Variants in KLF11 observed in about 807,000 individuals in gnomAD.
KLF11 encodes KLF transcription factor 11, also known as Krueppel-like factor 11.
In KLF11, 26 loss-of-function variants were observed where a neutral mutation model predicts 29.9. The observed-to-expected ratio is 0.87, with a 90% CI of 0.64 to 1.21. KLF11 has a LOEUF of 1.21. Ranked by LOEUF, KLF11 falls within the 50% of genes most tolerant of loss-of-function variation. KLF11 has a pLI of 0.00. For synonymous variants in KLF11, 318 were observed against 257.4 expected (o/e 1.24, Z -2.25); for missense variants, 778 against 665.7 (o/e 1.17, Z -1.86).
In KLF11 at chr2:10,053,536, T is replaced by G; in HGVS notation, c.*1029T>G. 1 of 398,150 alleles carries G rather than the reference T, an allele frequency of 2.5e-6. No individual in the cohort carries two copies. The highest frequency in any genetic ancestry group is 4.4e-6 in the Non-Finnish European group (1 of 225,950). The allele number at this position is 398,150 out of a possible 1,614,324, so 24.7% of individuals were successfully genotyped here. A position where few individuals can be genotyped will look rare whatever the true frequency, so the allele number is the denominator to read the frequency against. ...CACAGCTTAGCTGGGGCGAGATGCA[T>G]GTGAAGGCAGGCAGTGCCAAGATTC... On this transcript the variant is annotated 3_prime_UTR_variant, in exon 4 of 4. Transcript: ENST00000305883.
chr2:10,044,056 C>G (rs1221357928), intron 1 of KLF11: 32 of 698,622 alleles, frequency 4.6e-5, no homozygotes, highest in Non-Finnish European at 5.5e-5. Context: ...GACGTCACCC[C>G]GGTCCTGTGA....
In KLF11 at chr2:10,047,765, C is replaced by T. The variant is rs1414685071; in HGVS notation, c.428C>T (p.Ala143Val). ...GCCACGGATGTTCTCCAGTCCTCTG[C>T]CGTAGTGGCCAGAGCTCTGAGCGGG... ...CTATDVLQSSAVVARALSGGA... is the reference protein window; with the variant it reads ...CTATDVLQSSVVVARALSGGA... Residue 143 changes from alanine (A) to valine (V), a missense_variant, in exon 3 of 4, where the codon GCC (alanine) becomes GTC (valine). By Grantham distance (64) the Ala-to-Val change is moderately conservative (BLOSUM62 0). Transcript: ENST00000305883. 1.2e-6 allele frequency: 2 copies of T among 1,613,722 alleles called. No homozygotes were observed. Among genetic ancestry groups the T allele is most frequent in the Admixed American group, 1.7e-5 (1 of 60,028 alleles).
chr2:10,046,786 C>T (rs980220630), intron 2 of KLF11, among the ~76,000 whole-genome samples: 5 of 152,006 alleles, frequency 3.3e-5, no homozygotes, highest in South Asian at 2.1e-4. Context: ...ACCCGGGAGG[C>T]GGAGGTTGCA....
Position 10,053,366 on chromosome 2 carries a change from A to G in KLF11, c.*859A>G. ...TTCTTGTTTGTACCTAAAACACCAAAAAAGAAACACTCAAATCCAGCTGCT... is the reference window on the plus strand; with the variant it reads ...TTCTTGTTTGTACCTAAAACACCAAGAAAGAAACACTCAAATCCAGCTGCT... On this transcript the variant is annotated 3_prime_UTR_variant, in exon 4 of 4. Transcript: ENST00000305883. 2.5e-6 allele frequency: 1 copy of G among 398,692 alleles called. No individual in the cohort carries two copies. Among genetic ancestry groups the G allele is most frequent in the Non-Finnish European group, 4.4e-6 (1 of 226,102 alleles). 24.7% of individuals were successfully genotyped at this position (398,692 alleles called of 1,614,324 possible).
At chr2:10,051,224 T>TC (rs1490705121) in intron 3 of KLF11, among the ~76,000 whole-genome samples, 2 of 146,994 alleles carry the variant, frequency 1.4e-5, no homozygotes, top group Admixed American at 1.4e-4. Flanking sequence ...ACTTTTTTTT[T>TC]CTTTTTTGGA....
At chr2:10,048,876 C>A (rs566593142) in intron 3 of KLF11, among the ~76,000 whole-genome samples, 2 of 150,482 alleles carry the variant, frequency 1.3e-5, no homozygotes, top group Non-Finnish European at 2.9e-5. Flanking sequence ...TACAGTGCCC[C>A]CTTCTGTTCA....
chr2:10,049,363 T>C (rs1661335749), intron 3 of KLF11, among the ~76,000 whole-genome samples: 1 of 152,258 alleles, frequency 6.6e-6, no homozygotes, highest in Non-Finnish European at 1.5e-5. Flanking sequence ...ATCGCTTCAG[T>C]AGGTGAGGGC....
At chr2:10,044,021 TG>T (rs1297795634) in intron 1 of KLF11, 3 of 710,090 alleles carry the variant, frequency 4.2e-6, no homozygotes, top group African/African-American at 1.9e-5. Flanking sequence ...CCCGCCCCGC[TG>T]GCCCCGCGGC....
chr2:10,052,493 C>T lies in KLF11; in HGVS notation c.1525C>T (p.Pro509Ser), dbSNP rs865902355. 2 of 1,613,826 alleles carry T rather than the reference C, an allele frequency of 1.2e-6. No homozygotes were observed. Among genetic ancestry groups the T allele is most frequent in the Non-Finnish European group, 1.7e-6 (2 of 1,179,962 alleles). The change falls in exon 4 of 4, where the codon CCA (proline) becomes TCA (serine). Residue 509 changes from proline to serine, a missense_variant. Pro to Ser is a moderately conservative substitution (Grantham distance 74, BLOSUM62 -1). Transcript: ENST00000305883. ...ESPGSPLVSM[P>S]ASA is the part of the protein sequence containing the mutation. ...CCCGGGGAGCCCACTGGTGAGCATG[C>T]CAGCCTCTGCCTGAAAGGTCCATTA...
chr2:10,050,529 G>A (rs1188352609), intron 3 of KLF11, among the ~76,000 whole-genome samples: 1 of 151,892 alleles, frequency 6.6e-6, no homozygotes, highest in Non-Finnish European at 1.5e-5. Context: ...GGCCAACATG[G>A]TGAAACCCCG....
chr2:10,046,561 GA>G (rs1558346775), intron 2 of KLF11, 142 bp downstream of exon 2: 1 of 962,422 alleles, frequency 1.0e-6, no homozygotes, highest in African/African-American at 1.6e-5. Context: ...TGAAGGAGTA[GA>G]AACTCTTCCT....
Position 10,053,386 on chromosome 2 carries a change from G to T in KLF11, c.*879G>T. The T allele has an allele frequency of 2.5e-6, 1 of 398,612 alleles. No homozygotes were observed. The highest frequency in any genetic ancestry group is 2.1e-5 in the African/African-American group (1 of 48,742). 24.7% of individuals were successfully genotyped at this position (398,612 alleles called of 1,614,324 possible). A position where few individuals can be genotyped will look rare whatever the true frequency, so the allele number is the denominator to read the frequency against. ...ACCAAAAAAGAAACACTCAAATCCAGCTGCTTTGTCAATTGTCAGTTCTGA... is the reference window on the plus strand; with the variant it reads ...ACCAAAAAAGAAACACTCAAATCCATCTGCTTTGTCAATTGTCAGTTCTGA... On this transcript the variant is annotated 3_prime_UTR_variant, in exon 4 of 4. Coordinates refer to ENST00000305883, the MANE Select transcript of KLF11 (RefSeq NM_003597.5).
chr2:10,046,955 T>C (rs907405229), intron 2 of KLF11, among the ~76,000 whole-genome samples: 8 of 152,256 alleles, frequency 5.3e-5, no homozygotes, highest in South Asian at 4.1e-4. Flanking sequence ...ACGTGGTTAA[T>C]GTCCGTGGGA....
chr2:10,047,542 T>A, intron 2 of KLF11, 108 bp from the exon 3 acceptor site: 1 of 973,648 alleles, frequency 1.0e-6, no homozygotes, highest in Non-Finnish European at 1.6e-6. Context: ...AAAACAGGGT[T>A]AACTGAGTGT....
chr2:10,046,066 C>T (rs1469684254), intron 1 of KLF11, 84 bp from the exon 2 acceptor site: 7 of 1,506,584 alleles, frequency 4.6e-6, no homozygotes, highest in Middle Eastern at 2.3e-4. Flanking sequence ...CTGTAGGCTT[C>T]TGATATGCAT....
rs774085119 is a variant in KLF11 at position 10,048,308 on chromosome 2, C to T, written c.971C>T (p.Ala324Val). 8.1e-6 allele frequency: 13 copies of T among 1,598,928 alleles called. No individual in the cohort carries two copies. Among genetic ancestry groups the T allele is most frequent in the African/African-American group, 4.0e-5 (3 of 74,614 alleles). ...CCCATCCTAGCTCAGGCTGCTCCAG[C>T]GCCTCAACCTGTGTTCGTGGGACCT... ...VRPILAQAAPAPQPVFVGPAV... is the reference protein window; with the variant it reads ...VRPILAQAAPVPQPVFVGPAV... The change falls in exon 3 of 4, where the codon GCG becomes GTG. Residue 324 changes from alanine (A) to valine (V), a missense_variant. Transcript: ENST00000305883.
chr2:10,049,712 A>C (rs891845304), intron 3 of KLF11, among the ~76,000 whole-genome samples: 1 of 152,036 alleles, frequency 6.6e-6, no homozygotes, highest in Admixed American at 6.6e-5. Flanking sequence ...CTTTGACCCT[A>C]GTGGTTTATT....
chr2:10,044,135 A>C (rs867731868), intron 1 of KLF11: 4 of 130,192 alleles, frequency 3.1e-5, no homozygotes, highest in South Asian at 5.3e-4. Flanking sequence ...GCGGGGCAAG[A>C]GCTGCTGGCG....
Position 10,052,296 on chromosome 2 carries a change from G to A in KLF11, c.1328G>A (p.Arg443His), listed in dbSNP as rs745353273. The change falls in exon 4 of 4, where the codon CGC becomes CAC. Residue 443 changes from arginine to histidine, a missense_variant. Coordinates refer to ENST00000305883, the MANE Select transcript of KLF11 (RefSeq NM_003597.5). ...KKFARSDELS[R>H]HRRTHTGEKK... ...TTTGCTCGTTCGGATGAGCTGTCACGCCACCGCAGAACTCACACAGGGGAG... is the reference window on the plus strand; with the variant it reads ...TTTGCTCGTTCGGATGAGCTGTCACACCACCGCAGAACTCACACAGGGGAG... 6 of 1,614,130 alleles carry A rather than the reference G, an allele frequency of 3.7e-6. No individual in the cohort carries two copies. The highest frequency in any genetic ancestry group is 2.2e-5 in the South Asian group (2 of 91,076).
Sources: allele counts gnomAD v4.1 joint callset (sites outside exome capture counted in the v4.1 genomes callset), GRCh38; gene constraint gnomAD v4.1.1; transcripts MANE v1.5; gene names NCBI Gene and HGNC (gene_info 2026-07-23, HGNC 2026-07-21).